ADAMTSL2: variants seen among roughly 807,000 people sequenced by gnomAD.
The protein encoded by ADAMTSL2 is ADAMTS-like protein 2.
ADAMTSL2 carries 55 observed loss-of-function variants against 117.0 expected under a neutral mutation model. The ratio of observed to expected loss-of-function variants is 0.47; its 90% CI spans 0.38 to 0.59. ADAMTSL2 has a LOEUF of 0.59. Among genes scored for constraint, ADAMTSL2 ranks in the 20% least tolerant of loss-of-function variants. The pLI is 0.00. For missense variants in ADAMTSL2, 1,182 were observed against 1,354.5 expected (o/e 0.87, Z 2.00); for synonymous variants, 572 against 566.4 (o/e 1.01, Z -0.14).
chr9:133,562,402 G>A (rs1294169141), intron 12 of ADAMTSL2, among the ~76,000 whole-genome samples: 4 of 152,154 alleles, frequency 2.6e-5, no homozygotes, highest in Non-Finnish European at 5.9e-5. Context: ...CATCCTGGAG[G>A]GAAAAAGCAA....
chr9:133,533,858 G>A (rs532017186), upstream of ADAMTSL2, among the ~76,000 whole-genome samples: 54 of 152,316 alleles, frequency 3.5e-4, no homozygotes, highest in Admixed American at 6.5e-4. Flanking sequence ...AGGTGCCTCT[G>A]TTTGCCGAGG....
Position 133,568,672 on chromosome 9 carries a change from T to TG in ADAMTSL2, c.2159dup (p.Cys720TrpfsTer2). ...CCGCTGCTCGGAGGATGAGAAGCTG[T>TG]GTGACCCCAACACCAGGCCTGTAGG... On this transcript the variant is annotated frameshift_variant, in exon 15 of 19. Coordinates refer to ENST00000651351, the MANE Select transcript of ADAMTSL2 (RefSeq NM_014694.4). LOFTEE classifies it high-confidence loss of function. 1 of 1,613,458 alleles carries TG rather than the reference T, an allele frequency of 6.2e-7. No homozygotes were observed. The highest frequency in any genetic ancestry group is 8.5e-7 in the Non-Finnish European group (1 of 1,179,986).
At chr9:133,562,440 G>A (rs1274027862) in intron 12 of ADAMTSL2, among the ~76,000 whole-genome samples, 5 of 150,218 alleles carry the variant, frequency 3.3e-5, no homozygotes, top group Admixed American at 2.7e-4. Context: ...GCGGGCACCC[G>A]GCTCGGCCAG....
intron 4 of ADAMTSL2, 115 bp from the exon 5 acceptor site, chr9:133,539,656 G>GCTGTCCCGGCTGTCCCGGCTGTCCCGA: frequency 4.1e-6 from 4 of 969,488 alleles, no homozygotes; most frequent in Admixed American, 2.0e-5. Flanking sequence ...CCCCCGCACG[G>GCTGTCCCGGCTGTCCCGGCTGTCCCGA]CTGTCCCGGC....
Position 133,547,241 on chromosome 9 carries a change from C to A in ADAMTSL2, c.939+28C>A, listed in dbSNP as rs771566800. On this transcript the variant is annotated intron_variant, in intron 9 of 18. Transcript: ENST00000651351. ...ACGTGTGCCGCAGGCCTTGGGGGCC[C>A]CAGGGGCCCTGGGCACTGTTTCCCC... 1.0e-5 allele frequency: 16 copies of A among 1,603,492 alleles called. No individual in the cohort carries two copies. The Admixed American group carries it at 1.5e-4, about 15-fold the overall frequency.
At chr9:133,541,125 GAT>G in intron 7 of ADAMTSL2, 124 bp downstream of exon 7, 1 of 1,405,962 alleles carries the variant, frequency 7.1e-7, no homozygotes, top group Non-Finnish European at 9.8e-7. Context: ...AGGGGCACCT[GAT>G]TCAGCATCCC....
At chr9:133,555,417 G>A in intron 10 of ADAMTSL2, 141 bp from the exon 11 acceptor site, 1 of 1,062,290 alleles carries the variant, frequency 9.4e-7, no homozygotes, top group Non-Finnish European at 1.4e-6. Flanking sequence ...ACGTCCTCTA[G>A]TTAGGCAGAA....
chr9:133,554,492 G>A lies in ADAMTSL2; in HGVS notation c.1075G>A (p.Gly359Arg), dbSNP rs777497620. ...SAESQGLDGA[G>R]LMGFVPHNGS... is the part of the protein sequence containing the mutation. Reference sequence around the variant, plus strand: ...TGAGAGCCAGGGCCTGGACGGGGCCGGGCTGATGGGCTTCGTCCCGCACAA... The same window carrying A: ...TGAGAGCCAGGGCCTGGACGGGGCCAGGCTGATGGGCTTCGTCCCGCACAA... The change falls in exon 10 of 19, where the codon GGG becomes AGG. Residue 359 changes from glycine to arginine, a missense_variant. Physicochemically the swap from Gly to Arg is moderately radical, Grantham distance 125. Coordinates refer to ENST00000651351, the MANE Select transcript of ADAMTSL2 (RefSeq NM_014694.4). This position sits in a 1 kb window ranked among gnomAD's most constrained non-coding sequence, Gnocchi z 5.2. 83 of 1,550,946 alleles carry A rather than the reference G, an allele frequency of 5.4e-5. No homozygotes were observed. Among genetic ancestry groups the A allele is most frequent in the African/African-American group, 9.5e-5 (7 of 73,400 alleles).
Position 133,554,572 on chromosome 9 carries a change from G to A in ADAMTSL2, c.1155G>A (p.Leu385=), listed in dbSNP as rs1285719553. ...SSERLGLDNR[L]FGHPGLDMEL... ...AGCGGCTGGGCCTGGACAACCGGCT[G>A]TTCGGCCACCCGGGCCTGGACATGG... is the stretch of plus-strand genomic sequence containing the variant. Residue 385 remains leucine, a synonymous_variant, in exon 10 of 19, where the codon CTG becomes CTA. Coordinates refer to ENST00000651351, the MANE Select transcript of ADAMTSL2 (RefSeq NM_014694.4). This position sits in a 1 kb window ranked among gnomAD's most constrained non-coding sequence, Gnocchi z 5.2. 6.5e-7 allele frequency: 1 copy of A among 1,546,872 alleles called. No individual in the cohort carries two copies.
Position 133,568,292 on chromosome 9 carries a change from A to G in ADAMTSL2, c.1894A>G (p.Ser632Gly). Residue 632 changes from serine (S) to glycine (G), a missense_variant, in exon 14 of 19, where the codon AGC becomes GGC. Transcript: ENST00000651351. ...CQPRWETSSW[S>G]ECSRTCGEGY... ...GGGCAGGTGGGAGACGAGCAGCTGGAGCGAGTGTTCGCGCACCTGCGGAGA... is the reference window on the plus strand; with the variant it reads ...GGGCAGGTGGGAGACGAGCAGCTGGGGCGAGTGTTCGCGCACCTGCGGAGA... 1 of 1,571,696 alleles carries G rather than the reference A, an allele frequency of 6.4e-7. No individual in the cohort carries two copies. Among genetic ancestry groups the G allele is most frequent in the Non-Finnish European group, 8.6e-7 (1 of 1,159,788 alleles).
At chr9:133,543,576 C>T (rs1830275813) in intron 7 of ADAMTSL2, among the ~76,000 whole-genome samples, 1 of 152,158 alleles carries the variant, frequency 6.6e-6, no homozygotes, top group African/African-American at 2.4e-5. Context: ...TCTCCAGGGA[C>T]CTGTAGGTGT....
chr9:133,541,634 C>G (rs180717870), intron 7 of ADAMTSL2, among the ~76,000 whole-genome samples: 5 of 152,336 alleles, frequency 3.3e-5, no homozygotes, highest in Non-Finnish European at 5.9e-5. Flanking sequence ...AAGACCCATT[C>G]TCTCCACGGA....
chr9:133,554,724 G>A lies in ADAMTSL2; in HGVS notation c.1276+31G>A. The A allele has an allele frequency of 6.9e-7, 1 of 1,454,654 alleles. No homozygotes were observed. The highest frequency in any genetic ancestry group is 1.4e-5 in the South Asian group (1 of 69,652). 90.1% of individuals were successfully genotyped at this position (1,454,654 alleles called of 1,614,324 possible). A position where few individuals can be genotyped will look rare whatever the true frequency, so the allele number is the denominator to read the frequency against. ...CAGGAGGAGGGAGGCATGAGGGTGG[G>A]GCCCGGGAGGCAGCCCAGGGAAGGG... On this transcript the variant is annotated intron_variant, in intron 10 of 18. Coordinates refer to ENST00000651351, the MANE Select transcript of ADAMTSL2 (RefSeq NM_014694.4). This position sits in a 1 kb window ranked among gnomAD's most constrained non-coding sequence, Gnocchi z 5.2.
chr9:133,551,209 C>G (rs1830473716), intron 9 of ADAMTSL2, among the ~76,000 whole-genome samples: 1 of 152,186 alleles, frequency 6.6e-6, no homozygotes, highest in Admixed American at 6.5e-5. Context: ...GAAGTAGATC[C>G]CACTTTCAGC....
chr9:133,551,932 C>T (rs1490693139), intron 9 of ADAMTSL2, among the ~76,000 whole-genome samples: 1 of 150,456 alleles, frequency 6.6e-6, no homozygotes, highest in Non-Finnish European at 1.5e-5. Flanking sequence ...TAGGTTCAAA[C>T]GATTCTCCTG....
chr9:133,544,368 A>T (rs1830298619), intron 7 of ADAMTSL2, 102 bp from the exon 8 acceptor site: 2 of 996,994 alleles, frequency 2.0e-6, no homozygotes, highest in Non-Finnish European at 3.2e-6. Flanking sequence ...GCCAGCCCTT[A>T]GACAGCCACC....
At chr9:133,546,987 T>C (rs780251454) in intron 8 of ADAMTSL2, 51 bp from the exon 9 acceptor site, 1 of 1,594,732 alleles carries the variant, frequency 6.3e-7, no homozygotes, top group Non-Finnish European at 8.6e-7. Context: ...TGACACTGGC[T>C]CCTCCCCCAG....
chr9:133,536,221 G>A (rs1830047088), intron 1 of ADAMTSL2, among the ~76,000 whole-genome samples: 2 of 152,252 alleles, frequency 1.3e-5, no homozygotes, highest in Admixed American at 1.3e-4. Flanking sequence ...CCATTCTCCT[G>A]CGAGGCCAGC....
intron 18 of ADAMTSL2, 52 bp from the exon 19 acceptor site, chr9:133,574,694 C>T: frequency 6.5e-7 from 1 of 1,542,832 alleles, no homozygotes; most frequent in Non-Finnish European, 9.0e-7. Context: ...GGGTTTTCGC[C>T]CCTTGGCCAC....
Sources: allele counts gnomAD v4.1 joint callset (sites outside exome capture counted in the v4.1 genomes callset), GRCh38; gene constraint gnomAD v4.1.1; non-coding constraint Gnocchi (gnomAD v3.1); transcripts MANE v1.5; gene names NCBI Gene and HGNC (gene_info 2026-07-23, HGNC 2026-07-21).